The following SHISA9 variants were observed in gnomAD, a reference collection of about 807,000 sequenced individuals.
SHISA9 encodes shisa family member 9.
Under a neutral mutation model 38.0 loss-of-function variants are expected in SHISA9, and 13 were observed. The ratio of observed to expected loss-of-function variants is 0.34; its 90% CI spans 0.22 to 0.54. The LOEUF (loss-of-function observed/expected upper bound fraction) is 0.54, where lower values mean the gene tolerates loss of function less well. Ranked by LOEUF, SHISA9 falls within the 20% of genes least tolerant of loss-of-function variation. SHISA9 has a pLI of 0.91. For synonymous variants in SHISA9, 275 were observed against 242.0 expected, an observed-to-expected ratio of 1.14 and a Z score of -1.27; for missense variants, 538 against 575.8, an observed-to-expected ratio of 0.93 and a Z score of 0.67.
intron 2 of SHISA9, among the ~76,000 whole-genome samples, chr16:13,064,362 G>A (rs1031925937): frequency 6.6e-6 from 1 of 152,166 alleles, no homozygotes; most frequent in Non-Finnish European, 1.5e-5. Flanking sequence ...TCTTCCTATT[G>A]TAGAGGTAGA....
intron 2 of SHISA9, among the ~76,000 whole-genome samples, chr16:13,148,560 A>G (rs1004176965): frequency 3.3e-5 from 5 of 152,056 alleles, no homozygotes; most frequent in African/African-American, 1.2e-4. Flanking sequence ...CATTCACTCT[A>G]TATCTATTAA....
At chr16:13,136,565 A>G (rs1482838189) in intron 2 of SHISA9, among the ~76,000 whole-genome samples, 1 of 151,654 alleles carries the variant, frequency 6.6e-6, no homozygotes, top group Non-Finnish European at 1.5e-5. Context: ...CTCCCGGCTG[A>G]TTTTTTGTGT....
chr16:13,425,534 G>A, the SHISA9 span, among the ~76,000 whole-genome samples: 1 of 152,148 alleles, frequency 6.6e-6, no homozygotes, highest in African/African-American at 2.4e-5. Flanking sequence ...AAAGCAGGGA[G>A]GGAAGAATGG....
chr16:13,367,712 GCACACACA>G, the SHISA9 span, among the ~76,000 whole-genome samples: 95 of 104,688 alleles, frequency 9.1e-4, 1 homozygote, highest in East Asian at 0.016. Context: ...GCGCGCGCGC[GCACACACA>G]CACACACACA....
At chr16:13,084,209 G>C (rs2073685921) in intron 2 of SHISA9, among the ~76,000 whole-genome samples, 1 of 152,204 alleles carries the variant, frequency 6.6e-6, no homozygotes. Context: ...TTCACAGAGA[G>C]AGTCAGGCAG....
intron 2 of SHISA9, among the ~76,000 whole-genome samples, chr16:12,947,397 G>T (rs2141769356): frequency 6.6e-6 from 1 of 152,298 alleles, no homozygotes; most frequent in South Asian, 2.1e-4. Flanking sequence ...GGAGTGCATG[G>T]TCTGGGGCAT....
intron 2 of SHISA9, among the ~76,000 whole-genome samples, chr16:13,068,574 G>A (rs2073461530): frequency 6.6e-6 from 1 of 152,176 alleles, no homozygotes; most frequent in African/African-American, 2.4e-5. Flanking sequence ...GACTTTTCTT[G>A]TATTCCATCC....
chr16:13,104,066 C>A (rs2073903913), intron 2 of SHISA9, among the ~76,000 whole-genome samples: 2 of 152,158 alleles, frequency 1.3e-5, no homozygotes. Flanking sequence ...GTTCTTGATC[C>A]AACCTCATTT....
rs1567184012 is a variant in SHISA9 at position 13,019,875 on chromosome 16, C to CTTT, written c.691+103060_691+103061insTTT. On this transcript the variant is annotated intron_variant, in intron 2 of 4. Transcript: ENST00000558583. ...CCCTCCCTCCCTCCCTCCCTCCCTC[C>CTTT]CTCCCTCCCTTCTTTCTTTCTTTCT... 2.7e-3 allele frequency among the ~76,000 whole-genome samples: 87 copies of CTTT among 31,984 alleles called. 4 individuals carry two copies. Among genetic ancestry groups the CTTT allele is most frequent in the African/African-American group, 0.01 (70 of 6,786 alleles). The allele number at this position is 31,984 out of a possible 152,430, so 21.0% of individuals were successfully genotyped here.
At chr16:12,989,020 C>T (rs1380951336) in intron 2 of SHISA9, among the ~76,000 whole-genome samples, 3 of 151,988 alleles carry the variant, frequency 2.0e-5, no homozygotes, top group Non-Finnish European at 4.4e-5. Flanking sequence ...TAGATGGAGC[C>T]ACAGCAGCTC....
the SHISA9 span, among the ~76,000 whole-genome samples, chr16:13,356,059 G>A: frequency 2.0e-5 from 3 of 152,204 alleles, no homozygotes; most frequent in East Asian, 1.9e-4. Context: ...AGGTTCTGGA[G>A]GAACACCTGG....
chr16:13,107,427 G>A (rs965139105), intron 2 of SHISA9, among the ~76,000 whole-genome samples: 1 of 147,266 alleles, frequency 6.8e-6, no homozygotes, highest in Non-Finnish European at 1.5e-5. Flanking sequence ...AGAGAGACTC[G>A]GTCTGAAAAC....
chr16:13,308,076 A>T, the SHISA9 span, among the ~76,000 whole-genome samples: 3 of 152,226 alleles, frequency 2.0e-5, no homozygotes, highest in Non-Finnish European at 4.4e-5. Flanking sequence ...CTTTTATGAC[A>T]TTCAAAGTAC....
In SHISA9 at chr16:13,211,889, C is replaced by T. The variant is rs190734351; in HGVS notation, c.848-1364C>T. On this transcript the variant is annotated intron_variant, in intron 3 of 4. Coordinates refer to ENST00000558583, the MANE Select transcript of SHISA9 (RefSeq NM_001145204.3). ...CCATCCACACAGGAAGAATGGGGGT[C>T]GCACCACTATTTCCAGATGACCCTG... is the stretch of plus-strand genomic sequence containing the variant. Among the ~76,000 whole-genome samples the T allele has an allele frequency of 1.3e-3, 202 of 152,266 alleles. 1 individual carries two copies. Among genetic ancestry groups the T allele is most frequent in the African/African-American group, 4.6e-3 (193 of 41,550 alleles).
chr16:12,904,906 C>T (rs889719448), intron 1 of SHISA9, among the ~76,000 whole-genome samples: 4 of 152,058 alleles, frequency 2.6e-5, no homozygotes, highest in Non-Finnish European at 4.4e-5. Context: ...TTAGTAGAGA[C>T]GGGTTTTCAC....
chr16:13,440,278 T>C, the SHISA9 span, among the ~76,000 whole-genome samples: 1 of 152,242 alleles, frequency 6.6e-6, no homozygotes, highest in East Asian at 1.9e-4. Flanking sequence ...TCTTCATCCA[T>C]GGAACTCTAA....
intron 2 of SHISA9, among the ~76,000 whole-genome samples, chr16:12,922,740 G>C (rs2071343791): frequency 6.6e-6 from 1 of 152,112 alleles, no homozygotes; most frequent in Non-Finnish European, 1.5e-5. Context: ...GGCTGGTCTT[G>C]AACTCCTGAC....
intron 2 of SHISA9, among the ~76,000 whole-genome samples, chr16:13,186,094 G>C (rs1258951965): frequency 1.3e-5 from 2 of 152,092 alleles, no homozygotes; most frequent in Non-Finnish European, 2.9e-5. Flanking sequence ...TCTGAGGCTT[G>C]TGACCTTGAA....
the SHISA9 span, among the ~76,000 whole-genome samples, chr16:13,482,008 C>A: frequency 2.0e-5 from 3 of 152,184 alleles, no homozygotes; most frequent in Non-Finnish European, 4.4e-5. Context: ...ATTCCTTCCT[C>A]CATTGGGTAC....
Sources: allele counts gnomAD v4.1 joint callset (sites outside exome capture counted in the v4.1 genomes callset), GRCh38; gene constraint gnomAD v4.1.1; transcripts MANE v1.5; gene names NCBI Gene and HGNC (gene_info 2026-07-23, HGNC 2026-07-21).